The following ANKRD44 variants were observed in gnomAD, a reference collection of about 807,000 sequenced individuals.
ANKRD44 encodes the protein ankyrin repeat domain 44.
ANKRD44 carries 35 observed loss-of-function variants against 116.0 expected under a neutral mutation model. The ratio of observed to expected loss-of-function variants is 0.30; its 90% CI spans 0.23 to 0.40. The LOEUF is 0.40. Among genes scored for constraint, ANKRD44 ranks in the 10% least tolerant of loss-of-function variants. The pLI is 1.00. For missense variants in ANKRD44, 1,014 were observed against 1,242.6 expected, an observed-to-expected ratio of 0.82 and a Z score of 2.77; for synonymous variants, 435 against 461.8, an observed-to-expected ratio of 0.94 and a Z score of 0.74.
intron 1 of ANKRD44, among the ~76,000 whole-genome samples, chr2:197,233,080 G>A (rs975843847): frequency 2.0e-5 from 3 of 152,154 alleles, no homozygotes; most frequent in African/African-American, 4.8e-5. Context: ...GCTCTGCTAC[G>A]TTGCACACCC....
intron 16 of ANKRD44, among the ~76,000 whole-genome samples, chr2:197,033,905 TA>T (rs1322730150): frequency 1.3e-5 from 2 of 152,174 alleles, no homozygotes; most frequent in Non-Finnish European, 2.9e-5. Context: ...GCAAGTCATT[TA>T]AAACTGGCAT....
intron 16 of ANKRD44, among the ~76,000 whole-genome samples, chr2:197,070,591 A>C (rs965220775): frequency 5.3e-5 from 8 of 152,156 alleles, no homozygotes; most frequent in African/African-American, 1.7e-4. Context: ...CCTGTAATAA[A>C]TTCCATTAGT....
At chr2:197,038,460 A>G (rs1028795102) in intron 16 of ANKRD44, among the ~76,000 whole-genome samples, 3 of 152,254 alleles carry the variant, frequency 2.0e-5, no homozygotes, top group Admixed American at 2.0e-4. Flanking sequence ...GGTTAGTATG[A>G]CTTTCTAAAC....
intron 16 of ANKRD44, among the ~76,000 whole-genome samples, chr2:197,067,341 C>T (rs936676576): frequency 6.6e-6 from 1 of 152,156 alleles, no homozygotes; most frequent in African/African-American, 2.4e-5. Flanking sequence ...TAGAAGAAAA[C>T]CTAGGCAATG....
chr2:197,275,511 A>G (rs1391966166), intron 1 of ANKRD44, among the ~76,000 whole-genome samples: 2 of 152,100 alleles, frequency 1.3e-5, no homozygotes, highest in African/African-American at 2.4e-5. Flanking sequence ...TCAAGTATTC[A>G]AAGACTGGTA....
chr2:196,988,176 T>C lies in ANKRD44; in HGVS notation c.*1415A>G. 1 of 985,424 alleles carries C rather than the reference T, an allele frequency of 1.0e-6. No individual in the cohort carries two copies. Among genetic ancestry groups the C allele is most frequent in the Non-Finnish European group, 1.2e-6 (1 of 829,926 alleles). 61.0% of individuals were successfully genotyped at this position (985,424 alleles called of 1,614,324 possible). On this transcript the variant is annotated 3_prime_UTR_variant, in exon 28 of 28. Transcript: ENST00000282272. ...TCTCTGCTACACGACAGGAAAAATG[T>C]TAACGCTGCTTTGCCATTAAAGCAA...
At chr2:197,147,387 A>G (rs991184495) in intron 2 of ANKRD44, among the ~76,000 whole-genome samples, 1 of 151,164 alleles carries the variant, frequency 6.6e-6, no homozygotes, top group Non-Finnish European at 1.5e-5. Context: ...GCCCTGGATG[A>G]TGAATTTCAA....
chr2:197,286,380 C>T (rs201606512), intron 1 of ANKRD44, among the ~76,000 whole-genome samples: 34 of 146,456 alleles, frequency 2.3e-4, no homozygotes, highest in Admixed American at 3.4e-4. Flanking sequence ...TTTTTTTTTT[C>T]TTTTTTTTTT....
intron 16 of ANKRD44, among the ~76,000 whole-genome samples, chr2:197,041,837 A>G (rs1343552121): frequency 6.6e-6 from 1 of 152,208 alleles, no homozygotes; most frequent in Non-Finnish European, 1.5e-5. Context: ...AATACACAAT[A>G]AAGAACAGAT....
chr2:196,998,904 T>A lies in ANKRD44; in HGVS notation c.2665+3A>T. ...GGGCAAAGTCCATACAACAAGCACA[T>A]ACCCACAGCGCCTGCCTGCCCATTC... On this transcript the variant is annotated splice_donor_region_variant and intron_variant, in intron 24 of 27. Transcript: ENST00000282272. The A allele has an allele frequency of 6.2e-7, 1 of 1,613,774 alleles. No individual in the cohort carries two copies. Among genetic ancestry groups the A allele is most frequent in the Non-Finnish European group, 8.5e-7 (1 of 1,179,868 alleles).
At chr2:196,967,284 GCGAATC>G in exon 22 of ANKRD44, 1 of 322,718 alleles carries the variant, frequency 3.1e-6, no homozygotes, top group Non-Finnish European at 6.8e-6. Context: ...GACAGGCAAG[GCGAATC>G]CGGTTACTCC....
At chr2:197,164,152 G>A (rs1447784304) in intron 2 of ANKRD44, among the ~76,000 whole-genome samples, 1 of 152,224 alleles carries the variant, frequency 6.6e-6, no homozygotes, top group Non-Finnish European at 1.5e-5. Flanking sequence ...AACCAGAGTT[G>A]GTGGGGAAGT....
intron 16 of ANKRD44, among the ~76,000 whole-genome samples, chr2:197,055,408 T>C (rs1416041717): frequency 1.3e-5 from 2 of 152,212 alleles, no homozygotes. Flanking sequence ...GCCTTTGTTC[T>C]CTCTTAATGG....
chr2:196,994,362 T>G (rs1331422716), intron 26 of ANKRD44, among the ~76,000 whole-genome samples: 1 of 151,978 alleles, frequency 6.6e-6, no homozygotes, highest in Non-Finnish European at 1.5e-5. Context: ...ATTTTTTTAT[T>G]TTTTGTAGAG....
intron 2 of ANKRD44, among the ~76,000 whole-genome samples, chr2:197,152,455 G>A (rs551023589): frequency 2.0e-5 from 3 of 152,170 alleles, no homozygotes; most frequent in Non-Finnish European, 4.4e-5. Flanking sequence ...AGATGCATGA[G>A]AAATGAGAAG....
intron 2 of ANKRD44, among the ~76,000 whole-genome samples, chr2:197,180,959 CTATT>C (rs2080488649): frequency 7.8e-5 from 1 of 12,866 alleles, no homozygotes; most frequent in African/African-American, 1.8e-4. Context: ...CATATAGTGT[CTATT>C]TTTTTTCTCA....
intron 11 of ANKRD44, among the ~76,000 whole-genome samples, chr2:197,089,277 AG>A (rs1178822185): frequency 6.6e-6 from 1 of 152,216 alleles, no homozygotes; most frequent in African/African-American, 2.4e-5. Flanking sequence ...AAGTACTTAA[AG>A]GAAAAAAAAA....
At chr2:197,044,328 T>G (rs886543685) in intron 16 of ANKRD44, among the ~76,000 whole-genome samples, 5 of 152,200 alleles carry the variant, frequency 3.3e-5, no homozygotes, top group Non-Finnish European at 7.3e-5. Context: ...AATGTATGCT[T>G]TCCTCAGAAG....
At chr2:197,059,088 T>G (rs567679517) in intron 16 of ANKRD44, among the ~76,000 whole-genome samples, 2 of 152,158 alleles carry the variant, frequency 1.3e-5, no homozygotes, top group Non-Finnish European at 2.9e-5. Flanking sequence ...GGTAATTTAC[T>G]TTCTGTCTCA....
Sources: allele counts gnomAD v4.1 joint callset (sites outside exome capture counted in the v4.1 genomes callset), GRCh38; gene constraint gnomAD v4.1.1; transcripts MANE v1.5; gene names NCBI Gene and HGNC (gene_info 2026-07-23, HGNC 2026-07-21).